SFR1: variants seen among roughly 807,000 people sequenced by gnomAD.
SFR1 encodes SWI5 dependent homologous recombination repair protein 1, also known as swi5-dependent recombination DNA repair protein 1 homolog.
In SFR1, 24 loss-of-function variants were observed where a neutral mutation model predicts 26.2. That is an observed-to-expected ratio of 0.92 (90% confidence interval 0.66 to 1.29). SFR1 has a LOEUF of 1.29. SFR1 is among the 50% of genes most tolerant of loss of function. SFR1 has a pLI of 0.00. For synonymous variants in SFR1, 77 were observed against 96.6 expected (o/e 0.80, Z 1.19); for missense variants, 276 against 270.2 (o/e 1.02, Z -0.15).
chr10:104,122,845 T>G (rs752941637), intron 1 of SFR1, 120 bp from the exon 2 acceptor site: 3 of 1,543,460 alleles, frequency 1.9e-6, no homozygotes, highest in Non-Finnish European at 2.6e-6. Context: ...AAAGTGAAAT[T>G]AGAAGAAATA....
At chr10:104,120,517 G>C (rs2086950991), upstream of SFR1, among the ~76,000 whole-genome samples, 1 of 152,124 alleles carries the variant, frequency 6.6e-6, no homozygotes, top group African/African-American at 2.4e-5. Flanking sequence ...TAAAATATAT[G>C]TGCTTTTTTG....
chr10:104,122,433 C>A, intron 1 of SFR1: 1 of 985,434 alleles, frequency 1.0e-6, no homozygotes, highest in South Asian at 4.7e-5. Flanking sequence ...AGTCCACTCT[C>A]CTTTTCAGTC....
chr10:104,125,494 G>GTTTTTT lies in SFR1; in HGVS notation c.547-15_547-10dup. On this transcript the variant is annotated intron_variant, in intron 3 of 3. Transcript: ENST00000369727. ...AGCATGACTAGTTATTGACATACAT[G>GTTTTTT]TTTTTTTTTCTGTTTCAGAATGATC... 6.5e-7 allele frequency: 1 copy of GTTTTTT among 1,544,326 alleles called. No homozygotes were observed. The highest frequency in any genetic ancestry group is 1.9e-5 in the Admixed American group (1 of 52,760).
At chr10:104,121,644 A>C (rs1034614078), upstream of SFR1, among the ~76,000 whole-genome samples, 9 of 152,130 alleles carry the variant, frequency 5.9e-5, no homozygotes, top group Non-Finnish European at 1.2e-4. Context: ...TAAAGCCTTC[A>C]CTGTGACTAG....
chr10:104,121,020 ACT>A (rs1292423946), upstream of SFR1, among the ~76,000 whole-genome samples: 6 of 151,202 alleles, frequency 4.0e-5, no homozygotes, highest in African/African-American at 1.2e-4. Flanking sequence ...AAGTTACTCA[ACT>A]CTTTCACTAA....
At chr10:104,124,239 A>T (rs2087002111) in intron 3 of SFR1, 115 bp downstream of exon 3, 1 of 937,528 alleles carries the variant, frequency 1.1e-6, no homozygotes, top group East Asian at 3.0e-5. Context: ...CCAAATATTC[A>T]GAAACCTGGC....
intron 1 of SFR1, 75 bp from the exon 2 acceptor site, chr10:104,122,890 C>A (rs1589592250): frequency 1.9e-6 from 3 of 1,583,296 alleles, no homozygotes; most frequent in African/African-American, 2.7e-5. Context: ...TACACCAATA[C>A]AATATATTAT....
chr10:104,122,109 T>A (rs1252908456), upstream of SFR1: 1 of 1,525,534 alleles, frequency 6.6e-7, no homozygotes, highest in Non-Finnish European at 8.9e-7. Flanking sequence ...CTTTTCCGCC[T>A]ACCGCACGGC....
At chr10:104,122,246 G>T (rs1431607500) in intron 1 of SFR1, 50 bp downstream of exon 1, 9 of 1,513,282 alleles carry the variant, frequency 5.9e-6, no homozygotes, top group Non-Finnish European at 8.9e-7. Context: ...GCTTCCCCGG[G>T]AGTCGGCTGT....
upstream of SFR1, among the ~76,000 whole-genome samples, chr10:104,120,574 C>T (rs1424753426): frequency 6.6e-6 from 1 of 151,940 alleles, no homozygotes; most frequent in Non-Finnish European, 1.5e-5. Flanking sequence ...TGATACATTC[C>T]CTTAAATCCA....
chr10:104,123,436 C>CT, intron 2 of SFR1: 1 of 377,826 alleles, frequency 2.6e-6, no homozygotes. Context: ...GGAGTACTAT[C>CT]AGGCATGTGC....
intron 1 of SFR1, 187 bp from the exon 2 acceptor site, chr10:104,122,778 G>A: frequency 1.3e-6 from 2 of 1,502,592 alleles, no homozygotes; most frequent in Non-Finnish European, 1.8e-6. Flanking sequence ...GAAAAACTTA[G>A]TGGTCCCTAT....
chr10:104,122,747 A>G (rs971064022), intron 1 of SFR1: 2 of 1,462,034 alleles, frequency 1.4e-6, no homozygotes, highest in Admixed American at 2.5e-5. Flanking sequence ...ACTATGAGAT[A>G]CTAGCTGGTT....
chr10:104,123,089 A>G lies in SFR1; in HGVS notation c.135+3A>G, dbSNP rs1342715266. 6.4e-7 allele frequency: 1 copy of G among 1,556,460 alleles called. No individual in the cohort carries two copies. The highest frequency in any genetic ancestry group is 1.4e-5 in the African/African-American group (1 of 72,442). ...ATACAAATAGTTCCCGAAAACAAGT[A>G]TGAAAATCTTTGTTCTTCCAGTGGA... On this transcript the variant is annotated splice_donor_region_variant and intron_variant, in intron 2 of 3. Coordinates refer to ENST00000369727, the MANE Select transcript of SFR1 (RefSeq NM_001002759.2).
At chr10:104,121,776 T>G (rs1160968771), upstream of SFR1, among the ~76,000 whole-genome samples, 2 of 151,848 alleles carry the variant, frequency 1.3e-5, no homozygotes, top group Non-Finnish European at 2.9e-5. Flanking sequence ...GGGAAGGCGG[T>G]TGAAAATAAG....
rs753608653 is a variant in SFR1, at chr10:104,125,643, A to G, written c.677A>G (p.Tyr226Cys). 1 of 1,612,332 alleles carries G rather than the reference A, an allele frequency of 6.2e-7. No individual in the cohort carries two copies. The highest frequency in any genetic ancestry group is 1.1e-5 in the South Asian group (1 of 91,016). ...AGCCTTACTCAATTGATAGACCACT[A>G]TGGGTTAGATGATAAATTACTACAC... is the stretch of plus-strand genomic sequence containing the variant. ...KLSLTQLIDH[Y>C]GLDDKLLHYN... The change falls in exon 4 of 4, where the codon TAT becomes TGT. Residue 226 changes from tyrosine to cysteine, a missense_variant. Tyr to Cys is a radical substitution (Grantham distance 194). Coordinates refer to ENST00000369727, the MANE Select transcript of SFR1 (RefSeq NM_001002759.2).
At position 104,124,041 on chromosome 10, in the gene SFR1, G is replaced by GA. The variant is rs1441505511; in HGVS notation, c.468dup (p.Ala157SerfsTer24). The GA allele has an allele frequency of 1.9e-6, 3 of 1,613,950 alleles. No individual in the cohort carries two copies. Among genetic ancestry groups the GA allele is most frequent in the Non-Finnish European group, 2.5e-6 (3 of 1,179,926 alleles). ...GCTTCCTAAACAAAGATTAAACGCT[G>GA]AAAAAGCCAAATTGGTGAAGCAGGT... On this transcript the variant is annotated frameshift_variant, in exon 3 of 4. Coordinates refer to ENST00000369727, the MANE Select transcript of SFR1 (RefSeq NM_001002759.2). LOFTEE classifies it high-confidence loss of function.
chr10:104,125,137 T>TA (rs2087011443), intron 3 of SFR1, among the ~76,000 whole-genome samples: 1 of 152,202 alleles, frequency 6.6e-6, no homozygotes, highest in Non-Finnish European at 1.5e-5. Flanking sequence ...ATTGTAATTT[T>TA]AAAGAGCAGT....
At chr10:104,124,556 T>C (rs2087005317) in intron 3 of SFR1, among the ~76,000 whole-genome samples, 1 of 149,660 alleles carries the variant, frequency 6.7e-6, no homozygotes, top group Admixed American at 6.7e-5. Flanking sequence ...TGAGAAAATA[T>C]ATATATATAT....
Sources: gnomAD v4.1 joint callset for allele counts (sites outside exome capture counted in the v4.1 genomes callset) on GRCh38, gnomAD v4.1.1 for gene constraint, MANE v1.5 for transcripts, NCBI Gene and HGNC (gene_info 2026-07-23, HGNC 2026-07-21) for gene names.